ANKS1B: variants seen among roughly 807,000 people sequenced by gnomAD.
ANKS1B encodes ankyrin repeat and sterile alpha motif domain-containing protein 1B.
In ANKS1B, 36 loss-of-function variants were observed where a neutral mutation model predicts 148.3. That is an observed-to-expected ratio of 0.24 (90% CI 0.19 to 0.32). The LOEUF (loss-of-function observed/expected upper bound fraction) is 0.32, where lower values mean the gene tolerates loss of function less well. ANKS1B is among the 10% of genes least tolerant of loss of function. ANKS1B has a pLI of 1.00. For missense variants in ANKS1B, 1,157 were observed against 1,542.6 expected (o/e 0.75, Z 4.19); for synonymous variants, 542 against 560.8 (o/e 0.97, Z 0.47).
At chr12:99,860,551 C>T (rs2089884268) in intron 1 of ANKS1B, among the ~76,000 whole-genome samples, 1 of 152,162 alleles carries the variant, frequency 6.6e-6, no homozygotes, top group East Asian at 1.9e-4. Context: ...TTAGAAAGAT[C>T]CCTCTGGAGG....
intron 11 of ANKS1B, among the ~76,000 whole-genome samples, chr12:99,410,646 G>A (rs180932698): frequency 2.0e-4 from 30 of 152,272 alleles, no homozygotes; most frequent in African/African-American, 6.7e-4. Flanking sequence ...TCCAGCCTGG[G>A]CAACAGGGCA....
chr12:99,146,107 G>A (rs1487502791), intron 15 of ANKS1B, among the ~76,000 whole-genome samples: 8 of 152,022 alleles, frequency 5.3e-5, no homozygotes, highest in African/African-American at 1.9e-4. Context: ...AATTTACATG[G>A]AAATATATAG....
intron 14 of ANKS1B, among the ~76,000 whole-genome samples, chr12:99,159,279 G>A (rs117615251): frequency 8.5e-5 from 13 of 152,240 alleles, no homozygotes; most frequent in African/African-American, 2.6e-4. Context: ...TGCCACGTGC[G>A]TATATTGTGT....
intron 1 of ANKS1B, among the ~76,000 whole-genome samples, chr12:99,885,627 G>A (rs138929984): frequency 6.6e-6 from 1 of 152,032 alleles, no homozygotes; most frequent in Non-Finnish European, 1.5e-5. Flanking sequence ...AAGAGCTTAG[G>A]CGTACAAGTA....
At chr12:99,331,000 G>A (rs543083604) in intron 12 of ANKS1B, among the ~76,000 whole-genome samples, 1 of 152,090 alleles carries the variant, frequency 6.6e-6, no homozygotes, top group East Asian at 1.9e-4. Context: ...TTCGAGGGTG[G>A]TTATTTAAAC....
In ANKS1B at chr12:98,920,822, T is replaced by C. The variant is rs145693225; in HGVS notation, c.2779-88686A>G. Reference sequence around the variant, plus strand: ...CCTTAGAGTTTTATCTTTAAATCATTGATCTCAATGGATATCTTATACCTG... The same window carrying C: ...CCTTAGAGTTTTATCTTTAAATCATCGATCTCAATGGATATCTTATACCTG... On this transcript the variant is annotated intron_variant, in intron 17 of 26. Transcript: ENST00000683438. Among the ~76,000 whole-genome samples, 253 of 152,336 alleles carry C rather than the reference T, an allele frequency of 1.7e-3. 1 individual carries two copies. The highest frequency in any genetic ancestry group is 5.7e-3 in the African/African-American group (235 of 41,580).
At chr12:99,530,950 C>G (rs2096982661) in intron 9 of ANKS1B, among the ~76,000 whole-genome samples, 1 of 152,190 alleles carries the variant, frequency 6.6e-6, no homozygotes, top group African/African-American at 2.4e-5. Context: ...TCCCATATGC[C>G]TGATATACTC....
intron 1 of ANKS1B, among the ~76,000 whole-genome samples, chr12:99,878,361 G>A (rs531878292): frequency 1.1e-4 from 16 of 152,144 alleles, no homozygotes; most frequent in African/African-American, 2.9e-4. Context: ...TTAGCTTTCC[G>A]GCCTCTACAA....
intron 16 of ANKS1B, among the ~76,000 whole-genome samples, chr12:99,066,669 G>C (rs116449821): frequency 8.4e-4 from 128 of 152,322 alleles, no homozygotes; most frequent in African/African-American, 2.9e-3. Context: ...GGTCTTTTCA[G>C]AGGCTGTGGA....
At chr12:99,129,001 G>A (rs558066621) in intron 15 of ANKS1B, among the ~76,000 whole-genome samples, 10 of 152,246 alleles carry the variant, frequency 6.6e-5, no homozygotes, top group East Asian at 3.9e-4. Context: ...AGGTGGGGCC[G>A]TTTCAGGGCC....
At chr12:99,231,140 A>G (rs1285952938) in intron 14 of ANKS1B, among the ~76,000 whole-genome samples, 1 of 152,148 alleles carries the variant, frequency 6.6e-6, no homozygotes, top group East Asian at 1.9e-4. Context: ...GAGTTTGTGC[A>G]TTCACTTTTG....
chr12:99,393,096 T>TGATAGATAGATAGATAGATA (rs143927175), intron 12 of ANKS1B, among the ~76,000 whole-genome samples: 268 of 150,668 alleles, frequency 1.8e-3, no homozygotes, highest in East Asian at 4.6e-3. Context: ...GATAGACAGA[T>TGATAGATAGATAGATAGATA]GATAGATAGA....
At chr12:99,080,543 A>G (rs935222814) in intron 16 of ANKS1B, among the ~76,000 whole-genome samples, 8 of 152,242 alleles carry the variant, frequency 5.3e-5, no homozygotes, top group African/African-American at 1.9e-4. Flanking sequence ...ATATACTGTC[A>G]ACTCAGGTTG....
chr12:98,923,074 A>T (rs1479308469), intron 17 of ANKS1B, among the ~76,000 whole-genome samples: 2 of 152,130 alleles, frequency 1.3e-5, no homozygotes, highest in African/African-American at 4.8e-5. Context: ...TGTCTGGGTC[A>T]TAGAGGTATA....
At chr12:98,957,617 A>G (rs1353128848) in intron 17 of ANKS1B, among the ~76,000 whole-genome samples, 2 of 152,056 alleles carry the variant, frequency 1.3e-5, no homozygotes, top group East Asian at 3.9e-4. Flanking sequence ...AAGTGCTGGG[A>G]TTACAGGCGT....
rs1483868585 is a variant in ANKS1B, at chr12:99,105,969, G to T, written c.2527-20946C>A. On this transcript the variant is annotated intron_variant, in intron 15 of 26. Coordinates refer to ENST00000683438, the MANE Select transcript of ANKS1B (RefSeq NM_001352186.2). ...ATTCAGGTCAAGACCCAATTTTGAA[G>T]CTGGTCTCCAACAAGAAGAGTGGTT... Among the ~76,000 whole-genome samples, 12 of 152,182 alleles carry T rather than the reference G, an allele frequency of 7.9e-5. No individual in the cohort carries two copies. In the East Asian group the frequency reaches 2.3e-3, roughly 29 times the overall value.
chr12:99,832,278 T>A (rs376406243), intron 1 of ANKS1B, among the ~76,000 whole-genome samples: 4 of 152,286 alleles, frequency 2.6e-5, no homozygotes, highest in South Asian at 2.1e-4. Context: ...ATATACACTG[T>A]AGAATTTTAA....
intron 1 of ANKS1B, among the ~76,000 whole-genome samples, chr12:99,894,526 AAAAAC>A (rs1372710798): frequency 6.7e-6 from 1 of 150,228 alleles, no homozygotes; most frequent in African/African-American, 2.4e-5. Flanking sequence ...AAAAAAAAAA[AAAAAC>A]AAGGTACAAA....
At position 98,846,212 on chromosome 12, in the gene ANKS1B, C is replaced by G. The variant is rs539242849; in HGVS notation, c.2779-14076G>C. The stretch of plus-strand genomic sequence containing the variant: ...AATGCACACTGGCTCCAGCAGTATC[C>G]TGTAAGATTTAGCTCTTTTAAATAA... On this transcript the variant is annotated intron_variant, in intron 17 of 26. Coordinates refer to ENST00000683438, the MANE Select transcript of ANKS1B (RefSeq NM_001352186.2). 3.3e-5 allele frequency among the ~76,000 whole-genome samples: 5 copies of G among 152,268 alleles called. No individual in the cohort carries two copies. The East Asian group carries it at 9.7e-4, about 29-fold the overall frequency.
Sources: allele counts gnomAD v4.1 joint callset (sites outside exome capture counted in the v4.1 genomes callset), GRCh38; gene constraint gnomAD v4.1.1; transcripts MANE v1.5; gene names NCBI Gene and HGNC (gene_info 2026-07-23, HGNC 2026-07-21).